KREMEN1: variants seen among roughly 807,000 people sequenced by gnomAD.
The protein encoded by KREMEN1 is kringle containing transmembrane protein 1.
A neutral mutation model predicts 46.5 loss-of-function variants in KREMEN1; 30 were observed. The ratio of observed to expected loss-of-function variants is 0.65; its 90% CI spans 0.48 to 0.88. The LOEUF (loss-of-function observed/expected upper bound fraction) is 0.88, where lower values mean the gene tolerates loss of function less well. Ranked by LOEUF, KREMEN1 falls within the 40% of genes least tolerant of loss-of-function variation. The pLI is 0.00. For synonymous variants in KREMEN1, 214 were observed against 230.6 expected, an observed-to-expected ratio of 0.93 and a Z score of 0.65; for missense variants, 533 against 596.9, an observed-to-expected ratio of 0.89 and a Z score of 1.11.
chr22:29,165,963 G>T (rs1403127461), intron 9 of KREMEN1, among the ~76,000 whole-genome samples: 1 of 152,158 alleles, frequency 6.6e-6, no homozygotes, highest in Non-Finnish European at 1.5e-5. Flanking sequence ...CCAAGATGAG[G>T]GCTGCCATTC....
intron 3 of KREMEN1, 125 bp downstream of exon 3, chr22:29,099,078 A>G: frequency 4.3e-6 from 3 of 696,416 alleles, no homozygotes; most frequent in Non-Finnish European, 5.1e-6. Flanking sequence ...TGAAAGGAGA[A>G]GCCATCCTGG....
rs2037494805 is a variant in KREMEN1 at position 29,073,094 on chromosome 22, C to T, written c.-37C>T. The T allele has an allele frequency of 2.7e-6, 2 of 744,566 alleles. No individual in the cohort carries two copies. The highest frequency in any genetic ancestry group is 5.7e-5 in the South Asian group (1 of 17,482). 46.1% of individuals were successfully genotyped at this position (744,566 alleles called of 1,614,324 possible). ...CCGGCTCCCCGCGCTGCCCCCTTTA[C>T]CCCGGGCCGCGCCCCGGGGCCCCGC... On this transcript the variant is annotated 5_prime_UTR_variant, in exon 1 of 9. Transcript: ENST00000400335. This position sits in a 1 kb window ranked among gnomAD's most constrained non-coding sequence, Gnocchi z 4.4.
chr22:29,138,485 G>A, intron 6 of KREMEN1, 139 bp from the exon 7 acceptor site: 2 of 825,184 alleles, frequency 2.4e-6, no homozygotes, highest in Non-Finnish European at 4.0e-6. Context: ...TTTGGGGCTG[G>A]TGGGACCCAC....
chr22:29,088,963 A>T (rs2145752657), intron 1 of KREMEN1, among the ~76,000 whole-genome samples: 1 of 152,298 alleles, frequency 6.6e-6, no homozygotes, highest in African/African-American at 2.4e-5. Context: ...AAAGAAAAAA[A>T]AATTACTGAA....
intron 3 of KREMEN1, among the ~76,000 whole-genome samples, chr22:29,109,663 A>G (rs967737659): frequency 6.6e-6 from 1 of 152,182 alleles, no homozygotes; most frequent in South Asian, 2.1e-4. Context: ...AGTTAATTAG[A>G]TGGGACTGAT....
chr22:29,089,905 T>C (rs1349097814), intron 1 of KREMEN1, among the ~76,000 whole-genome samples: 1 of 152,176 alleles, frequency 6.6e-6, no homozygotes, highest in Non-Finnish European at 1.5e-5. Context: ...TTCATCCACA[T>C]CTCTGCTCAC....
At chr22:29,162,856 G>A (rs1225130325) in intron 9 of KREMEN1, among the ~76,000 whole-genome samples, 1 of 152,176 alleles carries the variant, frequency 6.6e-6, no homozygotes, top group African/African-American at 2.4e-5. Context: ...AGGAATCAAC[G>A]TAGGTGCCCA....
rs116195781 is a variant in KREMEN1, at chr22:29,153,424, T to C, written c.1416+11324T>C. On this transcript the variant is annotated intron_variant, in intron 9 of 9. Transcript: ENST00000327813. ...CCTCTGACAGCACAATCATAGCTCA[T>C]TGCAGCCTCACTCTCCTGGGTTTGA... is the stretch of plus-strand genomic sequence containing the variant. Among the ~76,000 whole-genome samples the C allele has an allele frequency of 9.0e-3, 1,368 of 151,866 alleles. 13 individuals are homozygous for C. The highest frequency in any genetic ancestry group is 0.031 in the African/African-American group (1,306 of 41,462).
chr22:29,077,285 CAAAT>C (rs1273904740), intron 1 of KREMEN1, among the ~76,000 whole-genome samples: 3 of 152,208 alleles, frequency 2.0e-5, no homozygotes, highest in African/African-American at 4.8e-5. Flanking sequence ...AGACAAAAGA[CAAAT>C]GAATGGGTGT....
chr22:29,086,381 G>T (rs532018966), intron 1 of KREMEN1, among the ~76,000 whole-genome samples: 2 of 152,220 alleles, frequency 1.3e-5, no homozygotes, highest in East Asian at 3.9e-4. Flanking sequence ...GTGTGTACAG[G>T]GTTGTTGTTT....
intron 4 of KREMEN1, 141 bp from the exon 5 acceptor site, chr22:29,125,122 G>A (rs2145821049): frequency 2.5e-6 from 2 of 788,550 alleles, no homozygotes; most frequent in Non-Finnish European, 4.2e-6. Flanking sequence ...TTGCAAGAGT[G>A]GAAGAAGGGG....
chr22:29,113,021 C>T (rs1376703113), intron 3 of KREMEN1, among the ~76,000 whole-genome samples: 1 of 152,166 alleles, frequency 6.6e-6, no homozygotes, highest in Non-Finnish European at 1.5e-5. Context: ...TGTTGAGGGA[C>T]TAATGTGTTT....
exon 10 of KREMEN1, chr22:29,167,350 C>T: frequency 1.9e-6 from 1 of 529,294 alleles, no homozygotes; most frequent in South Asian, 2.4e-5. Context: ...CAGAGCGGGA[C>T]CTCGTCTCTA....
chr22:29,149,169 C>CTTTTTTTTTT (rs557993177), downstream of KREMEN1, among the ~76,000 whole-genome samples: 1 of 145,750 alleles, frequency 6.9e-6, no homozygotes, highest in African/African-American at 2.6e-5. Flanking sequence ...ATAATGGCAC[C>CTTTTTTTTTT]TTTTTTTTTT....
chr22:29,091,303 A>G (rs1023541492), intron 1 of KREMEN1, among the ~76,000 whole-genome samples: 3 of 152,060 alleles, frequency 2.0e-5, no homozygotes, highest in African/African-American at 7.2e-5. Context: ...ATTCTGCTAC[A>G]TTCTTTTGTA....
At chr22:29,134,840 C>T (rs1331801159) in intron 5 of KREMEN1, among the ~76,000 whole-genome samples, 2 of 152,176 alleles carry the variant, frequency 1.3e-5, no homozygotes, top group Non-Finnish European at 2.9e-5. Context: ...AGCCCTGTTC[C>T]ATCCTCAGCT....
At position 29,144,161 on chromosome 22, in the gene KREMEN1, C is replaced by T. The variant is rs907035568; in HGVS notation, c.*2049C>T. 20 of 985,546 alleles carry T rather than the reference C, an allele frequency of 2.0e-5. No individual in the cohort carries two copies. Among genetic ancestry groups the T allele is most frequent in the African/African-American group, 3.5e-5 (2 of 57,260 alleles). 61.1% of individuals were successfully genotyped at this position (985,546 alleles called of 1,614,324 possible). A position where few individuals can be genotyped will look rare whatever the true frequency, so the allele number is the denominator to read the frequency against. On this transcript the variant is annotated 3_prime_UTR_variant, in exon 9 of 9. Coordinates refer to ENST00000400335, the MANE Select transcript of KREMEN1 (RefSeq NM_001039570.3). ...GTGATTGTTGCGCCTCTGGCTTTGG[C>T]GTTTCCTCTTTGCAGCACTTTGCCT... is the stretch of plus-strand genomic sequence containing the variant.
intron 3 of KREMEN1, among the ~76,000 whole-genome samples, chr22:29,104,564 A>G (rs1234547530): frequency 6.6e-6 from 1 of 152,266 alleles, no homozygotes; most frequent in Non-Finnish European, 1.5e-5. Context: ...ATTTAAAGTT[A>G]TTAGAACTAT....
At chr22:29,083,968 T>C (rs909776030) in intron 1 of KREMEN1, among the ~76,000 whole-genome samples, 2 of 152,094 alleles carry the variant, frequency 1.3e-5, no homozygotes, top group African/African-American at 2.4e-5. Context: ...ATTTTTATGG[T>C]TATTTCTTGA....
Sources: gnomAD v4.1 joint callset for allele counts (sites outside exome capture counted in the v4.1 genomes callset) on GRCh38, gnomAD v4.1.1 for gene constraint, Gnocchi (gnomAD v3.1) non-coding constraint, MANE v1.5 for transcripts, NCBI Gene and HGNC (gene_info 2026-07-23, HGNC 2026-07-21) for gene names.